Variants in TRAK1 observed in about 807,000 individuals in gnomAD.
TRAK1 encodes trafficking kinesin protein 1.
In TRAK1, 33 loss-of-function variants were observed where a neutral mutation model predicts 92.1. That is an observed-to-expected ratio of 0.36 (90% CI 0.27 to 0.48). TRAK1 has a LOEUF of 0.48. TRAK1 is among the 20% of genes least tolerant of loss of function. The pLI is 0.99. For synonymous variants in TRAK1, 521 were observed against 517.3 expected, an observed-to-expected ratio of 1.01 and a Z score of -0.10; for missense variants, 1,123 against 1,257.9, an observed-to-expected ratio of 0.89 and a Z score of 1.62.
chr3:42,144,305 A>G (rs1218778410), intron 2 of TRAK1, among the ~76,000 whole-genome samples: 1 of 151,910 alleles, frequency 6.6e-6, no homozygotes, highest in East Asian at 1.9e-4. Flanking sequence ...GAAGATGATC[A>G]CAACTAACAT....
intron 1 of TRAK1, among the ~76,000 whole-genome samples, chr3:42,096,414 G>A (rs1285536976): frequency 6.6e-6 from 1 of 151,978 alleles, no homozygotes; most frequent in African/African-American, 2.4e-5. Context: ...CACTACACTC[G>A]GCTAGTTTTT....
intron 2 of TRAK1, among the ~76,000 whole-genome samples, chr3:42,129,907 GA>G (rs1559806761): frequency 2.0e-5 from 3 of 151,938 alleles, no homozygotes; most frequent in Non-Finnish European, 2.9e-5. Context: ...TTCATCTGGT[GA>G]AATACAAAAA....
At chr3:42,050,910 A>G (rs1316143893) in intron 1 of TRAK1, among the ~76,000 whole-genome samples, 1 of 152,084 alleles carries the variant, frequency 6.6e-6, no homozygotes, top group African/African-American at 2.4e-5. Flanking sequence ...CTTTATGGTC[A>G]CTTTGGTGGG....
chr3:42,191,345 G>A (rs7372004), intron 6 of TRAK1, among the ~76,000 whole-genome samples: 121,700 of 152,176 alleles, frequency 0.8, 48,930 homozygotes, highest in East Asian at 0.99. Flanking sequence ...AGTGGTATGC[G>A]TTTTTCAGGT....
intron 1 of TRAK1, among the ~76,000 whole-genome samples, chr3:42,108,728 A>G (rs530868269): frequency 6.6e-6 from 1 of 152,032 alleles, no homozygotes; most frequent in East Asian, 1.9e-4. Context: ...GGTGGCACAT[A>G]CTCTACAATG....
At chr3:42,209,417 G>A (rs2149501267) in intron 13 of TRAK1, among the ~76,000 whole-genome samples, 1 of 152,032 alleles carries the variant, frequency 6.6e-6, no homozygotes, top group South Asian at 2.1e-4. Context: ...CTTCCATTTT[G>A]TAAAATGAGA....
chr3:42,156,597 A>G (rs180829368), intron 2 of TRAK1, among the ~76,000 whole-genome samples: 14 of 152,232 alleles, frequency 9.2e-5, no homozygotes, highest in Non-Finnish European at 2.9e-5. Context: ...ACGGGAGGGA[A>G]GAAAAAGTTA....
intron 1 of TRAK1, among the ~76,000 whole-genome samples, chr3:42,060,950 G>A (rs1703413785): frequency 6.6e-6 from 1 of 151,886 alleles, no homozygotes; most frequent in Non-Finnish European, 1.5e-5. Context: ...GTTGTTGTTT[G>A]TTTGTTTTGC....
intron 1 of TRAK1, among the ~76,000 whole-genome samples, chr3:42,063,372 G>A (rs543287206): frequency 1.8e-4 from 28 of 152,230 alleles, no homozygotes; most frequent in Non-Finnish European, 3.2e-4. Flanking sequence ...GAATGCCTTT[G>A]TGATGCAGTT....
At chr3:42,171,109 G>A (rs4683350) in intron 2 of TRAK1, among the ~76,000 whole-genome samples, 2 of 151,956 alleles carry the variant, frequency 1.3e-5, no homozygotes, top group African/African-American at 2.4e-5. Context: ...GCCACCGCGC[G>A]TGGCCCTGAA....
At chr3:42,015,407 A>T (rs1415893497) in intron 1 of TRAK1, among the ~76,000 whole-genome samples, 1 of 151,500 alleles carries the variant, frequency 6.6e-6, no homozygotes, top group Non-Finnish European at 1.5e-5. Context: ...TCCCATCCCC[A>T]GCGCTCGCTT....
In TRAK1 at chr3:42,069,842, C is replaced by G. The variant is rs1249910285; in HGVS notation, c.-518-17262C>G. ...AGTTATGATTTTTCTTAGAAAATAA[C>G]TGAAGAAGTGGAATTGCTTTTTTTT... On this transcript the variant is annotated intron_variant, in intron 1 of 16. Coordinates refer to the TRAK1 transcript ENST00000487159. Among the ~76,000 whole-genome samples the G allele has an allele frequency of 2.0e-5, 3 of 152,052 alleles. No individual in the cohort carries two copies. The East Asian group carries it at 5.8e-4, about 29-fold the overall frequency.
chr3:42,176,900 C>G lies in TRAK1; in HGVS notation c.363+10C>G, dbSNP rs371709809. On this transcript the variant is annotated intron_variant, in intron 3 of 15. Coordinates refer to ENST00000327628, the MANE Select transcript of TRAK1 (RefSeq NM_001042646.3). ...TCGGCTTCTTGAGGAGGTAAGTGCTCCAGGGGAAGGCAAAAGAGTTGTTTA... is the reference window on the plus strand; with the variant it reads ...TCGGCTTCTTGAGGAGGTAAGTGCTGCAGGGGAAGGCAAAAGAGTTGTTTA... 1.2e-6 allele frequency: 2 copies of G among 1,613,010 alleles called. No individual in the cohort carries two copies. Among genetic ancestry groups the G allele is most frequent in the Non-Finnish European group, 1.7e-6 (2 of 1,179,206 alleles).
chr3:42,153,016 T>G (rs1032500780), intron 2 of TRAK1, among the ~76,000 whole-genome samples: 1 of 152,212 alleles, frequency 6.6e-6, no homozygotes, highest in African/African-American at 2.4e-5. Context: ...TGATAGCTCT[T>G]TGTAAGCGAC....
intron 1 of TRAK1, among the ~76,000 whole-genome samples, chr3:42,031,097 G>A (rs1377235340): frequency 4.8e-5 from 7 of 145,742 alleles, no homozygotes; most frequent in African/African-American, 7.6e-5. Flanking sequence ...GTGCAGTGGC[G>A]TGGTCTCGGC....
chr3:42,118,440 A>G lies in TRAK1; in HGVS notation c.92-6980A>G, dbSNP rs1042467024. On this transcript the variant is annotated intron_variant, in intron 1 of 15. Coordinates refer to ENST00000327628, the MANE Select transcript of TRAK1 (RefSeq NM_001042646.3). ...CTCTGAGTGTTAAATGTTGGACACT[A>G]ATTTAGAGCTATTGCCTTTGCTGTA... Among the ~76,000 whole-genome samples, 14 of 152,310 alleles carry G rather than the reference A, an allele frequency of 9.2e-5. 1 individual carries two copies. The highest frequency in any genetic ancestry group is 6.2e-4 in the South Asian group (3 of 4,824).
At chr3:42,158,166 A>C (rs1700781807) in intron 2 of TRAK1, among the ~76,000 whole-genome samples, 3 of 152,248 alleles carry the variant, frequency 2.0e-5, no homozygotes, top group South Asian at 2.1e-4. Flanking sequence ...TATGTTTCAT[A>C]ATAGCGATAC....
intron 1 of TRAK1, among the ~76,000 whole-genome samples, chr3:42,094,264 C>T (rs1367197514): frequency 1.3e-5 from 2 of 152,154 alleles, no homozygotes; most frequent in Non-Finnish European, 2.9e-5. Flanking sequence ...GGACTCATGG[C>T]CCCAGGGGGA....
At chr3:42,210,064 T>C in intron 14 of TRAK1, 79 bp downstream of exon 14, 1 of 1,610,446 alleles carries the variant, frequency 6.2e-7, no homozygotes, top group Non-Finnish European at 8.5e-7. Context: ...CCAGAGGAGA[T>C]GCAGGAGCCG....
Sources: allele counts gnomAD v4.1 joint callset (sites outside exome capture counted in the v4.1 genomes callset), GRCh38; gene constraint gnomAD v4.1.1; transcripts MANE v1.5; gene names NCBI Gene and HGNC (gene_info 2026-07-23, HGNC 2026-07-21).